WNK2: variants seen among roughly 807,000 people sequenced by gnomAD.
WNK2 encodes WNK lysine deficient protein kinase 2, also known as serine/threonine-protein kinase WNK2.
Under a neutral mutation model 192.1 loss-of-function variants are expected in WNK2, and 67 were observed. That is an observed-to-expected ratio of 0.35 (90% CI 0.29 to 0.43). WNK2 has a LOEUF of 0.43. Among genes scored for constraint, WNK2 ranks in the 20% least tolerant of loss-of-function variants. The pLI is 1.00. For synonymous variants in WNK2, 1,439 were observed against 1,393.9 expected, an observed-to-expected ratio of 1.03 and a Z score of -0.72; for missense variants, 2,698 against 3,089.7, an observed-to-expected ratio of 0.87 and a Z score of 3.01.
At chr9:93,299,869 C>G (rs1321253762) in intron 25 of WNK2, among the ~76,000 whole-genome samples, 182 bp from the exon 26 acceptor site, 1 of 119,408 alleles carries the variant, frequency 8.4e-6, no homozygotes, top group East Asian at 3.0e-4. Context: ...TGCTTCTCTT[C>G]TGCTCTCCCG....
At chr9:93,217,585 G>C (rs1027164569) in intron 2 of WNK2, among the ~76,000 whole-genome samples, 2 of 152,238 alleles carry the variant, frequency 1.3e-5, no homozygotes, top group Non-Finnish European at 2.9e-5. Context: ...TTGGGGTGCA[G>C]ATGTGGGCAG....
At chr9:93,296,039 A>G (rs1373740824) in intron 23 of WNK2, among the ~76,000 whole-genome samples, 24 of 8,034 alleles carry the variant, frequency 3.0e-3, no homozygotes, top group East Asian at 5.8e-3. Flanking sequence ...CCTCTCCATC[A>G]TCCCCTCCAT....
rs963473442 is a variant in WNK2 at position 93,286,934 on chromosome 9, A to G, written c.4034-1854A>G. On this transcript the variant is annotated intron_variant, in intron 19 of 29. Transcript: ENST00000427277. ...AAAGACTACACGATTCATTCCTCTC[A>G]TATGCAGTATCTAAAACAGTCAAAG... Among the ~76,000 whole-genome samples, 3 of 152,340 alleles carry G rather than the reference A, an allele frequency of 2.0e-5. No homozygotes were observed. The East Asian group carries it at 5.8e-4, about 29-fold the overall frequency.
intron 23 of WNK2, among the ~76,000 whole-genome samples, chr9:93,297,037 T>TTTCACCTTCCTCCC (rs1850680216): frequency 2.4e-5 from 1 of 42,160 alleles, no homozygotes; most frequent in Non-Finnish European, 4.4e-5. Context: ...AGCATCCTCC[T>TTTCACCTTCCTCCC]TTCACCTTCC....
At chr9:93,208,797 C>T (rs1339349461) in intron 2 of WNK2, among the ~76,000 whole-genome samples, 4 of 532 alleles carry the variant, frequency 7.5e-3, no homozygotes, top group Non-Finnish European at 0.012. Flanking sequence ...GTGTGCTCTG[C>T]ATGTGTGTTC....
intron 2 of WNK2, among the ~76,000 whole-genome samples, chr9:93,202,855 G>A (rs1027973931): frequency 5.9e-5 from 9 of 152,154 alleles, no homozygotes; most frequent in East Asian, 5.8e-4. Context: ...CTGGAAGGCC[G>A]GCTTGGAAGG....
intron 19 of WNK2, among the ~76,000 whole-genome samples, chr9:93,279,944 T>C (rs533922809): frequency 6.6e-6 from 1 of 152,298 alleles, no homozygotes; most frequent in East Asian, 1.9e-4. Context: ...CTGAAAACTA[T>C]GAAACTTATG....
At chr9:93,233,721 A>T (rs1028428497) in intron 4 of WNK2, among the ~76,000 whole-genome samples, 6 of 151,112 alleles carry the variant, frequency 4.0e-5, no homozygotes, top group African/African-American at 1.5e-4. Flanking sequence ...AAAAAAAAAA[A>T]GTAACACATT....
In WNK2 at chr9:93,259,342, G is replaced by T. The variant is rs1278497665; in HGVS notation, c.2794G>T (p.Val932Leu). The T allele has an allele frequency of 2.5e-6, 4 of 1,612,742 alleles. No homozygotes were observed. The highest frequency in any genetic ancestry group is 3.4e-6 in the Non-Finnish European group (4 of 1,179,580). Residue 932 changes from valine (V) to leucine (L), a missense_variant, in exon 12 of 30, where the codon GTG (valine) becomes TTG (leucine). Physicochemically the swap from Val to Leu is conservative, Grantham distance 32. Around this residue, in one of 7 missense-constraint regions of WNK2, gnomAD observed 893 missense variants for 909.0 expected, o/e 0.98. Transcript: ENST00000427277. This position sits in a 1 kb window ranked among gnomAD's most constrained non-coding sequence, Gnocchi z 4.8. ...TDVPPSPHHT[V>L]QNMRATPPQP... ...CGTCCCTCCTTCCCCCCATCACACG[G>T]TGCAGAATATGAGGGCCACCCCTCC...
chr9:93,188,225 C>T (rs765300274), intron 2 of WNK2, among the ~76,000 whole-genome samples: 6 of 152,208 alleles, frequency 3.9e-5, no homozygotes, highest in Non-Finnish European at 8.8e-5. Context: ...GTTCCCCTTT[C>T]TGCCCTCCAC....
Position 93,259,373 on chromosome 9 carries a change from C to A in WNK2, c.2825C>A (p.Pro942Gln). ...AATATGAGGGCCACCCCTCCACAGCCGGCACTGCCTCCACAACCCACACTG... is the reference window on the plus strand; with the variant it reads ...AATATGAGGGCCACCCCTCCACAGCAGGCACTGCCTCCACAACCCACACTG... ...VQNMRATPPQ[P>Q]ALPPQPTLPP... Residue 942 changes from proline to glutamine, a missense_variant, in exon 12 of 30, where the codon CCG becomes CAG. Coordinates refer to ENST00000427277, the MANE Select transcript of WNK2 (RefSeq NM_006648.4). The surrounding 1 kb of genome is among the most constrained non-coding windows in gnomAD (Gnocchi z 4.8). 1 of 1,611,738 alleles carries A rather than the reference C, an allele frequency of 6.2e-7. No individual in the cohort carries two copies. Among genetic ancestry groups the A allele is most frequent in the East Asian group, 2.2e-5 (1 of 44,712 alleles).
At chr9:93,249,179 A>G (rs1842190008) in intron 8 of WNK2, among the ~76,000 whole-genome samples, 1 of 152,252 alleles carries the variant, frequency 6.6e-6, no homozygotes, top group Non-Finnish European at 1.5e-5. Context: ...ACACAGCACT[A>G]CGCACTTTTA....
intron 2 of WNK2, among the ~76,000 whole-genome samples, chr9:93,221,878 C>G (rs1180298306): frequency 6.6e-6 from 1 of 152,172 alleles, no homozygotes; most frequent in African/African-American, 2.4e-5. Context: ...TTAGAAACAG[C>G]TGGTGGAGGG....
intron 11 of WNK2, 121 bp from the exon 12 acceptor site, chr9:93,258,810 T>A (rs1447807104): frequency 8.4e-6 from 7 of 829,840 alleles, no homozygotes; most frequent in Non-Finnish European, 1.3e-5. Flanking sequence ...AGGGAAAGGG[T>A]CATGCTGTCT....
intron 13 of WNK2, among the ~76,000 whole-genome samples, 161 bp from the exon 14 acceptor site, chr9:93,262,509 C>T (rs1171017915): frequency 6.6e-6 from 1 of 152,226 alleles, no homozygotes; most frequent in South Asian, 2.1e-4. Context: ...TTGTGACGCC[C>T]CCTGGGTCGT....
At chr9:93,263,821 T>TG (rs1844717407) in intron 15 of WNK2, 87 bp downstream of exon 15, 3 of 401,958 alleles carry the variant, frequency 7.5e-6, no homozygotes, top group Admixed American at 3.5e-5. Context: ...GGGGGTGTGG[T>TG]GGGGGTGGGG....
intron 28 of WNK2, among the ~76,000 whole-genome samples, chr9:93,311,809 G>A (rs1049206736): frequency 4.6e-5 from 7 of 151,986 alleles, no homozygotes; most frequent in Non-Finnish European, 7.4e-5. Context: ...TAGTAGAGAC[G>A]GGGTTTCACC....
intron 19 of WNK2, among the ~76,000 whole-genome samples, chr9:93,269,747 G>A (rs138427901): frequency 6.6e-6 from 1 of 152,340 alleles, no homozygotes; most frequent in Non-Finnish European, 1.5e-5. Flanking sequence ...TTAGGGGACA[G>A]TACGGTTAAT....
At chr9:93,310,335 G>C in intron 28 of WNK2, among the ~76,000 whole-genome samples, 1 of 152,126 alleles carries the variant, frequency 6.6e-6, no homozygotes, top group Admixed American at 6.5e-5. Context: ...CTGCTGCCTG[G>C]GCTCCAGCTA....
Sources: gnomAD v4.1 joint callset for allele counts (sites outside exome capture counted in the v4.1 genomes callset) on GRCh38, gnomAD v4.1.1 for gene constraint, gnomAD v4.1.1 regional missense constraint, Gnocchi (gnomAD v3.1) non-coding constraint, MANE v1.5 for transcripts, NCBI Gene and HGNC (gene_info 2026-07-23, HGNC 2026-07-21) for gene names.